AGBL4: variants seen among roughly 807,000 people sequenced by gnomAD.
AGBL4 encodes cytosolic carboxypeptidase 6.
Under a neutral mutation model 66.4 loss-of-function variants are expected in AGBL4, and 58 were observed. The observed-to-expected ratio is 0.87, with a 90% CI of 0.71 to 1.09. The LOEUF (loss-of-function observed/expected upper bound fraction) is 1.09, where lower values mean the gene tolerates loss of function less well. AGBL4 is among the 50% of genes least tolerant of loss of function. The pLI is 0.00. For missense variants in AGBL4, 579 were observed against 631.0 expected (o/e 0.92, Z 0.88); for synonymous variants, 234 against 222.9 (o/e 1.05, Z -0.44).
At chr1:49,088,572 C>A (rs533702739) in intron 4 of AGBL4, among the ~76,000 whole-genome samples, 1 of 152,054 alleles carries the variant, frequency 6.6e-6, no homozygotes, top group Non-Finnish European at 1.5e-5. Context: ...AATATGTACA[C>A]CCAACACAGG....
intron 9 of AGBL4, among the ~76,000 whole-genome samples, chr1:48,624,795 G>A (rs1226824538): frequency 1.3e-5 from 2 of 152,302 alleles, no homozygotes; most frequent in East Asian, 3.9e-4. Context: ...AGAGTACGGA[G>A]GATTTTGAGA....
intron 3 of AGBL4, among the ~76,000 whole-genome samples, chr1:49,314,635 G>A (rs1028614444): frequency 6.6e-6 from 1 of 152,060 alleles, no homozygotes; most frequent in Non-Finnish European, 1.5e-5. Context: ...TATCATTGAT[G>A]AGCATTTTGG....
At chr1:49,248,526 A>C (rs771033127) in intron 3 of AGBL4, among the ~76,000 whole-genome samples, 6 of 152,314 alleles carry the variant, frequency 3.9e-5, no homozygotes, top group Non-Finnish European at 7.4e-5. Context: ...ATTTAAACCA[A>C]GTCTGTTGCC....
chr1:48,950,674 AT>A (rs766944694), intron 5 of AGBL4, among the ~76,000 whole-genome samples: 103 of 152,150 alleles, frequency 6.8e-4, no homozygotes, highest in Non-Finnish European at 1.3e-3. Flanking sequence ...CTTGAGCCAA[AT>A]GAGACGAATG....
intron 4 of AGBL4, among the ~76,000 whole-genome samples, chr1:49,169,844 A>G (rs1309398411): frequency 6.6e-6 from 1 of 152,200 alleles, no homozygotes; most frequent in Non-Finnish European, 1.5e-5. Context: ...CCAAGTTTGC[A>G]TAAAGACAAA....
intron 3 of AGBL4, among the ~76,000 whole-genome samples, chr1:49,265,323 T>C (rs1468008927): frequency 6.6e-6 from 1 of 152,192 alleles, no homozygotes; most frequent in Non-Finnish European, 1.5e-5. Context: ...TATTGCACCA[T>C]GTACAAAGGT....
At chr1:49,066,701 C>T (rs1644498466) in intron 4 of AGBL4, among the ~76,000 whole-genome samples, 1 of 152,192 alleles carries the variant, frequency 6.6e-6, no homozygotes, top group African/African-American at 2.4e-5. Context: ...AATCACATCT[C>T]TATTTACTTG....
intron 5 of AGBL4, among the ~76,000 whole-genome samples, chr1:48,934,056 C>T (rs967680104): frequency 2.0e-4 from 31 of 152,148 alleles, no homozygotes; most frequent in African/African-American, 6.5e-4. Context: ...GTAAGTGCCT[C>T]TGGGGAGCTA....
chr1:49,776,235 C>A lies in AGBL4; in HGVS notation c.157+75161G>T, dbSNP rs118052355. On this transcript the variant is annotated intron_variant, in intron 2 of 13. Transcript: ENST00000371839. ...ATGAAAGAGTTTAGAAAAATAATTT[C>A]TCTCCATCTTTGTTGTCCACAGGCT... 1.4e-3 allele frequency among the ~76,000 whole-genome samples: 215 copies of A among 152,192 alleles called. 8 individuals are homozygous for A. In the East Asian group the frequency reaches 0.039, roughly 27 times the overall value.
chr1:49,819,660 T>C (rs1238204036), intron 2 of AGBL4, among the ~76,000 whole-genome samples: 1 of 152,220 alleles, frequency 6.6e-6, no homozygotes, highest in Non-Finnish European at 1.5e-5. Context: ...ATATCCCACA[T>C]TCTATTTTTT....
intron 2 of AGBL4, among the ~76,000 whole-genome samples, chr1:49,821,120 A>T (rs975897126): frequency 2.0e-5 from 3 of 152,182 alleles, no homozygotes; most frequent in African/African-American, 7.2e-5. Context: ...CCCCTAAAAA[A>T]TAGGCTGATT....
intron 2 of AGBL4, among the ~76,000 whole-genome samples, chr1:49,715,733 A>G (rs1462261053): frequency 1.3e-5 from 2 of 152,004 alleles, no homozygotes; most frequent in African/African-American, 4.8e-5. Context: ...TTTTTCATAT[A>G]TTTGTTAGCC....
Position 48,739,268 on chromosome 1 carries a change from T to C in AGBL4, c.635-76027A>G, listed in dbSNP as rs569483584. On this transcript the variant is annotated intron_variant, in intron 6 of 13. Transcript: ENST00000371839. The stretch of plus-strand genomic sequence containing the variant: ...CATCCTATAATCACGACAGATTAAG[T>C]TCCCTAAAATACCTCCTTCCTTATT... Among the ~76,000 whole-genome samples, 16 of 152,302 alleles carry C rather than the reference T, an allele frequency of 1.1e-4. No homozygotes were observed. In the East Asian group the frequency reaches 3.1e-3, roughly 29 times the overall value.
chr1:48,740,351 A>C (rs1255228556), intron 6 of AGBL4, among the ~76,000 whole-genome samples: 1 of 152,142 alleles, frequency 6.6e-6, no homozygotes, highest in Non-Finnish European at 1.5e-5. Flanking sequence ...CCTGCCTCTA[A>C]CCTGTTATGT....
rs150692947 is a variant in AGBL4 at position 48,675,125 on chromosome 1, C to A, written c.635-11884G>T. Among the ~76,000 whole-genome samples the A allele has an allele frequency of 6.9e-3, 1,047 of 152,262 alleles. 4 individuals are homozygous for A. The highest frequency in any genetic ancestry group is 0.02 in the Middle Eastern group (6 of 294). Reference sequence around the variant, plus strand: ...AATGTAAAATTGGTTTGGAAAATTACTAGGTACTGTGTGAAACAGACCCCC... The same window carrying A: ...AATGTAAAATTGGTTTGGAAAATTAATAGGTACTGTGTGAAACAGACCCCC... On this transcript the variant is annotated intron_variant, in intron 6 of 13. Transcript: ENST00000371839.
intron 3 of AGBL4, among the ~76,000 whole-genome samples, chr1:49,530,544 T>A (rs571829405): frequency 6.6e-6 from 1 of 152,030 alleles, no homozygotes; most frequent in African/African-American, 2.4e-5. Flanking sequence ...TTCATTTAAG[T>A]ATATCCCAGC....
In AGBL4 at chr1:49,988,534, A is replaced by T. The variant is rs868291186; in HGVS notation, c.34+35229T>A. Among the ~76,000 whole-genome samples the T allele has an allele frequency of 2.6e-5, 4 of 152,294 alleles. No homozygotes were observed. The South Asian group carries it at 8.3e-4, about 32-fold the overall frequency. On this transcript the variant is annotated intron_variant, in intron 1 of 13. Transcript: ENST00000371839. ...AAAATATGTTCAAGTCAACTTTTTTAAAAAAGAAAGGCATGCCTGCATGAA... is the reference window on the plus strand; with the variant it reads ...AAAATATGTTCAAGTCAACTTTTTTTAAAAAGAAAGGCATGCCTGCATGAA...
At chr1:48,773,217 C>A (rs896382880) in intron 6 of AGBL4, among the ~76,000 whole-genome samples, 3 of 151,954 alleles carry the variant, frequency 2.0e-5, no homozygotes, top group African/African-American at 7.3e-5. Flanking sequence ...AATTTTAGGG[C>A]TCTAGGCACA....
chr1:48,818,982 A>C (rs1466089821), intron 6 of AGBL4, among the ~76,000 whole-genome samples: 1 of 152,138 alleles, frequency 6.6e-6, no homozygotes, highest in Non-Finnish European at 1.5e-5. Flanking sequence ...TTTTCCTTCA[A>C]TTAGGAAGCA....
Sources: gnomAD v4.1 joint callset for allele counts (sites outside exome capture counted in the v4.1 genomes callset) on GRCh38, gnomAD v4.1.1 for gene constraint, MANE v1.5 for transcripts, NCBI Gene and HGNC (gene_info 2026-07-23, HGNC 2026-07-21) for gene names.